Variants in NPAS2 observed in about 807,000 individuals in gnomAD.
NPAS2 encodes the protein neuronal PAS domain-containing protein 2.
A neutral mutation model predicts 107.5 loss-of-function variants in NPAS2; 23 were observed. The ratio of observed to expected loss-of-function variants is 0.21; its 90% CI spans 0.15 to 0.30. The LOEUF (loss-of-function observed/expected upper bound fraction) is 0.30. NPAS2 is among the 10% of genes least tolerant of loss of function. The pLI is 1.00. For missense variants in NPAS2, 756 were observed against 1,043.3 expected (o/e 0.72, Z 3.79); for synonymous variants, 403 against 417.5 (o/e 0.97, Z 0.42).
chr2:100,833,687 C>T lies in NPAS2; in HGVS notation c.-23+13273C>T, dbSNP rs900612606. Among the ~76,000 whole-genome samples the T allele has an allele frequency of 3.3e-5, 5 of 152,128 alleles. No individual in the cohort carries two copies. The East Asian group carries it at 9.6e-4, about 29-fold the overall frequency. On this transcript the variant is annotated intron_variant, in intron 1 of 20. Coordinates refer to ENST00000335681, the MANE Select transcript of NPAS2 (RefSeq NM_002518.4). ...AACCTTTTGTGTCTGGGATTTCAGT[C>T]CAAATCAAATAGCCTCTGTGTATCC...
Position 100,972,089 on chromosome 2 carries a change from A to G in NPAS2, c.1140+1015A>G, listed in dbSNP as rs113363857. Among the ~76,000 whole-genome samples the G allele has an allele frequency of 1.4e-3, 211 of 151,956 alleles. 1 individual carries two copies. The highest frequency in any genetic ancestry group is 4.8e-3 in the African/African-American group (199 of 41,432). On this transcript the variant is annotated intron_variant, in intron 12 of 20. Transcript: ENST00000335681. ...TAGTCTCCCAAGTAGCTGGGATTAT[A>G]GGCGCCCACCACCACACCTGGCTAA...
chr2:100,906,653 C>T (rs1022690872), intron 2 of NPAS2, among the ~76,000 whole-genome samples: 3 of 152,114 alleles, frequency 2.0e-5, no homozygotes, highest in Non-Finnish European at 2.9e-5. Flanking sequence ...TGTAGTGGCG[C>T]GATCTTGGCT....
At chr2:100,937,168 A>G (rs1684375016) in intron 4 of NPAS2, among the ~76,000 whole-genome samples, 1 of 152,152 alleles carries the variant, frequency 6.6e-6, no homozygotes, top group Admixed American at 6.5e-5. Context: ...CAGTTGAGTT[A>G]CGCAACCCCC....
In NPAS2 at chr2:100,850,027, AAAAAAAAAAAGC is replaced by A. The variant is rs1303419762; in HGVS notation, c.-23+29616_-23+29627del. Among the ~76,000 whole-genome samples the A allele has an allele frequency of 4.5e-5, 6 of 133,996 alleles. No homozygotes were observed. In the East Asian group the frequency reaches 7.4e-4, roughly 16 times the overall value. 87.9% of individuals were successfully genotyped at this position (133,996 alleles called of 152,430 possible). Reference sequence around the variant, plus strand: ...CTCTTTTTGTAAAAAAAAAAAAAAAAAAAAAAAAAAGCAAGAGAAAATAGAAAAAAAAATTTG... The same window carrying A: ...CTCTTTTTGTAAAAAAAAAAAAAAAAAAGAGAAAATAGAAAAAAAAATTTG... On this transcript the variant is annotated intron_variant, in intron 1 of 20. Transcript: ENST00000335681.
intron 1 of NPAS2, among the ~76,000 whole-genome samples, chr2:100,879,106 CT>C (rs533691896): frequency 4.8e-5 from 7 of 146,458 alleles, no homozygotes; most frequent in Non-Finnish European, 1.0e-4. Flanking sequence ...GAGCGAGACT[CT>C]GTCTCAAAAA....
intron 3 of NPAS2, among the ~76,000 whole-genome samples, chr2:100,929,228 C>G (rs1438935496): frequency 6.6e-6 from 1 of 152,164 alleles, no homozygotes; most frequent in Non-Finnish European, 1.5e-5. Context: ...TGAGTTAGTT[C>G]CATTGCACAG....
chr2:100,822,129 G>A (rs1046004038), intron 1 of NPAS2, among the ~76,000 whole-genome samples: 2 of 152,118 alleles, frequency 1.3e-5, no homozygotes, highest in African/African-American at 4.8e-5. Flanking sequence ...ATGTAGAATC[G>A]GTTTTATTCT....
rs571059946 is a variant in NPAS2, at chr2:100,864,417, C to G, written c.-22-40316C>G. 2.4e-4 allele frequency among the ~76,000 whole-genome samples: 37 copies of G among 152,258 alleles called. 1 individual carries two copies. The highest frequency in any genetic ancestry group is 8.3e-4 in the South Asian group (4 of 4,822). On this transcript the variant is annotated intron_variant, in intron 1 of 20. Coordinates refer to ENST00000335681, the MANE Select transcript of NPAS2 (RefSeq NM_002518.4). ...AATAATATTCGGATATAAATAAAGC[C>G]TCTCCCGCATTTAATGGTGCTGGGT...
intron 7 of NPAS2, among the ~76,000 whole-genome samples, chr2:100,960,515 C>T (rs1675856069): frequency 6.6e-6 from 1 of 151,892 alleles, no homozygotes; most frequent in Non-Finnish European, 1.5e-5. Flanking sequence ...ACGCCACGCA[C>T]CTGCTCTGTT....
At chr2:100,954,534 A>C (rs1675436508) in intron 7 of NPAS2, among the ~76,000 whole-genome samples, 1 of 152,090 alleles carries the variant, frequency 6.6e-6, no homozygotes, top group Non-Finnish European at 1.5e-5. Flanking sequence ...GTGTGTTGGC[A>C]CATGCCTGTA....
chr2:100,957,760 G>T (rs1558910372), intron 7 of NPAS2, among the ~76,000 whole-genome samples: 3 of 151,872 alleles, frequency 2.0e-5, no homozygotes, highest in African/African-American at 7.3e-5. Flanking sequence ...CCCCGTCTCT[G>T]CTAAAAATAC....
At chr2:100,958,427 C>T (rs1435851677) in intron 7 of NPAS2, among the ~76,000 whole-genome samples, 1 of 152,170 alleles carries the variant, frequency 6.6e-6, no homozygotes, top group African/African-American at 2.4e-5. Context: ...CGAGTGTGGA[C>T]GGCTTCGTGG....
At chr2:100,934,265 A>G (rs996146725) in intron 4 of NPAS2, 1 of 152,092 alleles carries the variant, frequency 6.6e-6, no homozygotes. Context: ...AGTAGTTAAA[A>G]CACATAACCC....
chr2:100,824,461 TG>T (rs1459270284), intron 1 of NPAS2, among the ~76,000 whole-genome samples: 2 of 152,216 alleles, frequency 1.3e-5, no homozygotes, highest in Non-Finnish European at 2.9e-5. Flanking sequence ...AAAAATGTAG[TG>T]GAGAGGACAA....
chr2:100,979,528 T>TTTTC (rs1677299824), intron 15 of NPAS2, among the ~76,000 whole-genome samples: 1 of 107,856 alleles, frequency 9.3e-6, no homozygotes, highest in African/African-American at 3.7e-5. Flanking sequence ...TTTTTTTTTT[T>TTTTC]CTGAGACGGA....
At position 100,847,484 on chromosome 2, in the gene NPAS2, C is replaced by T. The variant is rs1400889631; in HGVS notation, c.-23+27070C>T. ...TCCCGGGTTCACACCATTCTCCTGC[C>T]TCAGCCTCCGGAGTAGCTGGGACTA... On this transcript the variant is annotated intron_variant, in intron 1 of 20. Coordinates refer to ENST00000335681, the MANE Select transcript of NPAS2 (RefSeq NM_002518.4). 1.3e-5 allele frequency among the ~76,000 whole-genome samples: 2 copies of T among 152,304 alleles called. 1 individual carries two copies. Among genetic ancestry groups the T allele is most frequent in the Middle Eastern group, 6.8e-3 (2 of 294 alleles).
At chr2:100,833,540 G>A (rs1038070221) in intron 1 of NPAS2, among the ~76,000 whole-genome samples, 2 of 152,172 alleles carry the variant, frequency 1.3e-5, no homozygotes, top group African/African-American at 4.8e-5. Context: ...CTAACATGAA[G>A]TGGGGGAAGT....
At chr2:100,949,259 C>T in intron 6 of NPAS2, 108 bp from the exon 7 acceptor site, 1 of 716,652 alleles carries the variant, frequency 1.4e-6, no homozygotes, top group Non-Finnish European at 2.5e-6. Context: ...ACTAGCCTGG[C>T]CATGTGTAGA....
chr2:100,881,912 T>C (rs1680374656), intron 1 of NPAS2, among the ~76,000 whole-genome samples: 1 of 152,164 alleles, frequency 6.6e-6, no homozygotes, highest in Admixed American at 6.5e-5. Context: ...CAGCTCTCTG[T>C]GACACCCACC....
Sources: gnomAD v4.1 joint callset for allele counts (sites outside exome capture counted in the v4.1 genomes callset) on GRCh38, gnomAD v4.1.1 for gene constraint, MANE v1.5 for transcripts, NCBI Gene and HGNC (gene_info 2026-07-23, HGNC 2026-07-21) for gene names.